Variants in ATAD5 observed in about 807,000 individuals in gnomAD.
ATAD5 encodes ATPase family AAA domain containing 5.
ATAD5 carries 58 observed loss-of-function variants against 176.9 expected under a neutral mutation model. The ratio of observed to expected loss-of-function variants is 0.33; its 90% CI spans 0.27 to 0.41. ATAD5 has a LOEUF of 0.41. ATAD5 is among the 10% of genes least tolerant of loss of function. The pLI is 1.00. For missense variants in ATAD5, 1,789 were observed against 2,094.1 expected (o/e 0.85, Z 2.84); for synonymous variants, 640 against 712.6 (o/e 0.90, Z 1.62).
chr17:30,837,288 G>A lies in ATAD5; in HGVS notation c.2050G>A (p.Gly684Arg). 4 of 1,578,338 alleles carry A rather than the reference G, an allele frequency of 2.5e-6. No homozygotes were observed. The highest frequency in any genetic ancestry group is 3.4e-6 in the Non-Finnish European group (4 of 1,165,398). Residue 684 changes from glycine (G) to arginine (R), a missense_variant, in exon 3 of 23, where the codon GGA becomes AGA. By Grantham distance (125) the Gly-to-Arg change is moderately radical. This residue lies in a region of ATAD5 where 487 missense variants were observed against 573.6 expected (regional missense o/e 0.85). Transcript: ENST00000321990. ...ATCTGAGAAATCTGAAGCAACTGAT[G>A]GAGGTTTTACTTCTCAGATTAGAAA... The part of the protein sequence containing the change: ...KRSEKSEATD[G>R]GFTSQIRKAS...
At chr17:30,859,367 A>G (rs982314863) in intron 9 of ATAD5, among the ~76,000 whole-genome samples, 2 of 151,534 alleles carry the variant, frequency 1.3e-5, no homozygotes, top group African/African-American at 4.8e-5. Context: ...ATTTTATTTT[A>G]TTTATTTTTT....
chr17:30,884,371 G>A (rs919825696), intron 18 of ATAD5, among the ~76,000 whole-genome samples: 6 of 147,920 alleles, frequency 4.1e-5, no homozygotes, highest in South Asian at 2.1e-4. Flanking sequence ...CATCTAAGTC[G>A]TAGTATGTAT....
intron 14 of ATAD5, among the ~76,000 whole-genome samples, chr17:30,870,529 T>C (rs965542729): frequency 5.3e-5 from 8 of 152,244 alleles, no homozygotes; most frequent in Admixed American, 3.3e-4. Flanking sequence ...GATTATCCCT[T>C]GTAGATTACA....
At chr17:30,892,896 TTTG>T (rs1178880488) in intron 20 of ATAD5, 108 bp downstream of exon 20, 2 of 997,622 alleles carry the variant, frequency 2.0e-6, no homozygotes, top group African/African-American at 3.3e-5. Context: ...GTGCCTATAA[TTTG>T]TATAAGCCTT....
intron 10 of ATAD5, among the ~76,000 whole-genome samples, chr17:30,863,568 G>A (rs1235598298): frequency 4.0e-5 from 6 of 150,568 alleles, no homozygotes; most frequent in Non-Finnish European, 5.9e-5. Flanking sequence ...GGGTTTCACC[G>A]TGTTAGCCAG....
chr17:30,869,833 C>A, intron 14 of ATAD5, 187 bp downstream of exon 14: 1 of 594,394 alleles, frequency 1.7e-6, no homozygotes, highest in Admixed American at 3.7e-5. Context: ...ATACCTTCTT[C>A]AATATTTATC....
chr17:30,846,623 G>A (rs1481569837), intron 6 of ATAD5, among the ~76,000 whole-genome samples: 2 of 151,554 alleles, frequency 1.3e-5, no homozygotes, highest in Non-Finnish European at 2.9e-5. Context: ...GGATTGTCTC[G>A]ATCTCTTGAC....
In ATAD5 at chr17:30,861,612, A is replaced by G. The variant is rs556595567; in HGVS notation, c.3136+1000A>G. 1.1e-4 allele frequency among the ~76,000 whole-genome samples: 16 copies of G among 152,072 alleles called. No homozygotes were observed. The South Asian group carries it at 3.3e-3, about 32-fold the overall frequency. On this transcript the variant is annotated intron_variant, in intron 10 of 22. Transcript: ENST00000321990. ...CTGCAACCTCTGCCTCCCGGGTTCA[A>G]GTGATTCTCCTGCCTCAGCCTCCTC... is the stretch of plus-strand genomic sequence containing the variant.
At chr17:30,882,488 G>A (rs1482573820) in intron 18 of ATAD5, among the ~76,000 whole-genome samples, 4 of 152,184 alleles carry the variant, frequency 2.6e-5, no homozygotes, top group Middle Eastern at 3.4e-3. Context: ...TACTTGGGAG[G>A]CTAAGGCAAG....
At chr17:30,875,568 A>G (rs1018489063) in intron 14 of ATAD5, among the ~76,000 whole-genome samples, 3 of 151,958 alleles carry the variant, frequency 2.0e-5, no homozygotes, top group Non-Finnish European at 2.9e-5. Context: ...AGGCTGAGGC[A>G]GGCGGATCGC....
At chr17:30,851,385 A>G (rs1437081295) in intron 6 of ATAD5, among the ~76,000 whole-genome samples, 1 of 150,644 alleles carries the variant, frequency 6.6e-6, no homozygotes, top group Non-Finnish European at 1.5e-5. Flanking sequence ...AGTCCCAGCT[A>G]CTTGGGAGGC....
At chr17:30,861,210 G>A (rs1051057692) in intron 10 of ATAD5, among the ~76,000 whole-genome samples, 1 of 93,924 alleles carries the variant, frequency 1.1e-5, no homozygotes, top group African/African-American at 4.5e-5. Context: ...CCCCCTCCCC[G>A]CCCTTGGCCT....
intron 10 of ATAD5, among the ~76,000 whole-genome samples, chr17:30,863,368 G>GT (rs1398847882): frequency 2.3e-5 from 3 of 132,496 alleles, no homozygotes; most frequent in Non-Finnish European, 4.9e-5. Flanking sequence ...GCTACTTTAT[G>GT]TATTTTTTTT....
At position 30,835,939 on chromosome 17, in the gene ATAD5, A is replaced by T. The variant is rs773291328; in HGVS notation, c.1858A>T (p.Asn620Tyr). ...RGIDSDDVQD[N>Y]SQLKASTQKA... ...TATTGATTCTGACGATGTACAAGAT[A>T]ATAGTCAACTAAAGGCTTCCACTCA... The change falls in exon 2 of 23, where the codon AAT (asparagine) becomes TAT (tyrosine). Residue 620 changes from asparagine (N) to tyrosine (Y), a missense_variant. By Grantham distance (143) the Asn-to-Tyr change is moderately radical. This residue lies in a region of ATAD5 where 696 missense variants were observed against 712.5 expected (regional missense o/e 0.98). Transcript: ENST00000321990. The T allele has an allele frequency of 2.5e-6, 4 of 1,614,032 alleles. No individual in the cohort carries two copies. Among genetic ancestry groups the T allele is most frequent in the Non-Finnish European group, 3.4e-6 (4 of 1,180,012 alleles).
At chr17:30,853,514 T>C (rs1430311945) in intron 6 of ATAD5, among the ~76,000 whole-genome samples, 1 of 152,162 alleles carries the variant, frequency 6.6e-6, no homozygotes, top group Non-Finnish European at 1.5e-5. Flanking sequence ...AGATATCTCA[T>C]TTAGTATCTA....
At chr17:30,892,955 T>C (rs1056784389) in intron 20 of ATAD5, among the ~76,000 whole-genome samples, 167 bp downstream of exon 20, 4 of 152,192 alleles carry the variant, frequency 2.6e-5, no homozygotes, top group African/African-American at 4.8e-5. Context: ...AAATGGTGCA[T>C]AGGCATTGCT....
In ATAD5 at chr17:30,844,971, T is replaced by C. The variant is rs377303818; in HGVS notation, c.2450+55T>C. 9.5e-5 allele frequency: 133 copies of C among 1,394,308 alleles called. 3 individuals are homozygous for C. The South Asian group carries it at 1.5e-3, about 16-fold the overall frequency. 86.4% of individuals were successfully genotyped at this position (1,394,308 alleles called of 1,614,324 possible). Reference sequence around the variant, plus strand: ...AAATATTTTATAGAATGTATTTGTATTGATGTGTTTACTTTGATGAGAAAG... The same window carrying C: ...AAATATTTTATAGAATGTATTTGTACTGATGTGTTTACTTTGATGAGAAAG... On this transcript the variant is annotated intron_variant, in intron 6 of 22. Coordinates refer to ENST00000321990, the MANE Select transcript of ATAD5 (RefSeq NM_024857.5).
rs562425898 is a variant in ATAD5 at position 30,850,295 on chromosome 17, C to T, written c.2451-4848C>T. ...TCTGTTAACCAACCTCTGGCTATGT[C>T]TCCCTCTCCCCTCCCCTCTCCCACC... On this transcript the variant is annotated intron_variant, in intron 6 of 22. Transcript: ENST00000321990. 2.6e-5 allele frequency among the ~76,000 whole-genome samples: 4 copies of T among 151,732 alleles called. No individual in the cohort carries two copies. In the South Asian group the frequency reaches 6.2e-4, roughly 24 times the overall value.
At chr17:30,871,261 C>T (rs187665148) in intron 14 of ATAD5, among the ~76,000 whole-genome samples, 1 of 150,084 alleles carries the variant, frequency 6.7e-6, no homozygotes, top group Admixed American at 6.7e-5. Flanking sequence ...TTACCATGTG[C>T]CCAGTCTTTC....
Sources: gnomAD v4.1 joint callset for allele counts (sites outside exome capture counted in the v4.1 genomes callset) on GRCh38, gnomAD v4.1.1 for gene constraint, gnomAD v4.1.1 regional missense constraint, MANE v1.5 for transcripts, NCBI Gene and HGNC (gene_info 2026-07-23, HGNC 2026-07-21) for gene names.